The following INO80 variants were observed in gnomAD, a reference collection of about 807,000 sequenced individuals.
INO80 encodes the protein chromatin-remodeling ATPase INO80.
In INO80, 20 loss-of-function variants were observed where a neutral mutation model predicts 203.4. The observed-to-expected ratio is 0.10, with a 90% confidence interval of 0.07 to 0.14. The LOEUF (loss-of-function observed/expected upper bound fraction) is 0.14. Ranked by LOEUF, INO80 falls within the 10% of genes least tolerant of loss-of-function variation. INO80 has a pLI of 1.00. For synonymous variants in INO80, 726 were observed against 685.2 expected (o/e 1.06, Z -0.93); for missense variants, 1,419 against 1,914.4 (o/e 0.74, Z 4.83).
At chr15:40,991,073 T>C (rs2043811506) in intron 29 of INO80, among the ~76,000 whole-genome samples, 1 of 152,148 alleles carries the variant, frequency 6.6e-6, no homozygotes, top group African/African-American at 2.4e-5. Flanking sequence ...AGTACTGTCT[T>C]AACATTTACA....
At chr15:40,991,645 G>A (rs1052047240) in intron 29 of INO80, among the ~76,000 whole-genome samples, 1 of 152,058 alleles carries the variant, frequency 6.6e-6, no homozygotes, top group Non-Finnish European at 1.5e-5. Flanking sequence ...TCATGACATT[G>A]TAAACACCAA....
At chr15:41,058,571 G>A (rs1283249233) in intron 16 of INO80, 68 bp downstream of exon 16, 12 of 159,708 alleles carry the variant, frequency 7.5e-5, no homozygotes, top group East Asian at 3.4e-4. Context: ...GTGTGTGTGC[G>A]TGTGTGTGTG....
chr15:41,073,553 CA>C, intron 10 of INO80, 58 bp from the exon 11 acceptor site: 1 of 1,267,146 alleles, frequency 7.9e-7, no homozygotes, highest in South Asian at 1.2e-5. Flanking sequence ...TTCTAAGATA[CA>C]ATTAACACCA....
chr15:40,998,463 G>A (rs1278656098), intron 28 of INO80, among the ~76,000 whole-genome samples: 1 of 152,174 alleles, frequency 6.6e-6, no homozygotes, highest in Non-Finnish European at 1.5e-5. Context: ...ACTTCTGGAT[G>A]AATGTCAACA....
intron 14 of INO80, among the ~76,000 whole-genome samples, chr15:41,065,160 A>G (rs28455970): frequency 0.12 from 18,109 of 152,106 alleles, 3,213 homozygotes; most frequent in African/African-American, 0.39. Context: ...GTAGCAGGCC[A>G]GGCTCGGTGA....
chr15:41,034,419 G>C (rs894342663), intron 24 of INO80, among the ~76,000 whole-genome samples: 1 of 152,146 alleles, frequency 6.6e-6, no homozygotes, highest in African/African-American at 2.4e-5. Flanking sequence ...AGCTTACCAA[G>C]ACCAATATGA....
At position 41,058,851 on chromosome 15, in the gene INO80, CTG is replaced by C; in HGVS notation, c.1843-72_1843-71del. On this transcript the variant is annotated intron_variant, in intron 15 of 35. Transcript: ENST00000648947. ...TCATAATAAGGAACTGATGTATGGA[CTG>C]TTTTTCTAGGGCCAAAATGTTTAAG... The C allele has an allele frequency of 3.4e-6, 5 of 1,491,672 alleles. No individual in the cohort carries two copies. The South Asian group carries it at 6.3e-5, about 19-fold the overall frequency. The allele number at this position is 1,491,672 out of a possible 1,614,324, so 92.4% of individuals were successfully genotyped here. A position where few individuals can be genotyped will look rare whatever the true frequency, so the allele number is the denominator to read the frequency against.
intron 14 of INO80, among the ~76,000 whole-genome samples, chr15:41,062,773 C>T (rs1566934340): frequency 6.6e-6 from 1 of 152,184 alleles, no homozygotes; most frequent in East Asian, 1.9e-4. Flanking sequence ...AGTGATGCAA[C>T]AAGAAGGCCC....
intron 28 of INO80, chr15:41,004,675 CA>C (rs1248819752): frequency 6.6e-6 from 1 of 152,138 alleles, no homozygotes; most frequent in African/African-American, 2.4e-5. Context: ...GGTAAACCAT[CA>C]GCATTCAGCA....
chr15:41,049,782 A>G (rs1177482349), intron 20 of INO80, among the ~76,000 whole-genome samples, 153 bp downstream of exon 20: 4 of 152,080 alleles, frequency 2.6e-5, no homozygotes, highest in African/African-American at 9.7e-5. Context: ...GCTCCTTGGG[A>G]GGCTGAGGCA....
chr15:41,026,822 T>C (rs2140478515), intron 25 of INO80, among the ~76,000 whole-genome samples: 1 of 152,280 alleles, frequency 6.6e-6, no homozygotes, highest in East Asian at 1.9e-4. Flanking sequence ...CTGATCAACA[T>C]GGATAAAAAA....
chr15:41,043,796 A>G (rs982365160), intron 24 of INO80, among the ~76,000 whole-genome samples: 3 of 152,188 alleles, frequency 2.0e-5, no homozygotes, highest in Admixed American at 6.6e-5. Flanking sequence ...AGCAATTCTT[A>G]TGAGGTTCCA....
At chr15:41,047,019 G>A (rs2044779759) in intron 23 of INO80, among the ~76,000 whole-genome samples, 2 of 151,508 alleles carry the variant, frequency 1.3e-5, no homozygotes, top group South Asian at 4.2e-4. Flanking sequence ...CCAGGCTGGA[G>A]TGCAATGGCA....
At chr15:41,072,294 A>G (rs1354132959) in intron 11 of INO80, among the ~76,000 whole-genome samples, 1 of 152,112 alleles carries the variant, frequency 6.6e-6, no homozygotes. Context: ...ACATTCGTCT[A>G]TCTTTGACTT....
intron 24 of INO80, among the ~76,000 whole-genome samples, chr15:41,032,799 G>C (rs1203539888): frequency 1.3e-5 from 2 of 152,080 alleles, no homozygotes; most frequent in East Asian, 3.9e-4. Context: ...CAGCACTCTG[G>C]GCGGCTGAGG....
At chr15:40,993,536 T>G (rs912701497) in intron 29 of INO80, among the ~76,000 whole-genome samples, 10 of 152,062 alleles carry the variant, frequency 6.6e-5, no homozygotes, top group Non-Finnish European at 1.2e-4. Flanking sequence ...GGCAGGCAGA[T>G]CACCTGAGGT....
At chr15:41,115,194 T>C (rs1441782596) in intron 1 of INO80, among the ~76,000 whole-genome samples, 1 of 152,128 alleles carries the variant, frequency 6.6e-6, no homozygotes, top group Non-Finnish European at 1.5e-5. Context: ...TACATCAAAC[T>C]AGAGACAGTG....
chr15:41,035,537 AAAG>A (rs1234675301), intron 24 of INO80, among the ~76,000 whole-genome samples: 1 of 151,818 alleles, frequency 6.6e-6, no homozygotes, highest in Non-Finnish European at 1.5e-5. Flanking sequence ...AAAAAAAAAA[AAAG>A]ACCGGGCGCG....
At chr15:41,080,087 A>G (rs991015214) in intron 8 of INO80, among the ~76,000 whole-genome samples, 183 bp from the exon 9 acceptor site, 10 of 152,162 alleles carry the variant, frequency 6.6e-5, no homozygotes, top group African/African-American at 2.4e-4. Context: ...ACCCTGTGGT[A>G]TTATCAGGGA....
Sources: allele counts gnomAD v4.1 joint callset (sites outside exome capture counted in the v4.1 genomes callset), GRCh38; gene constraint gnomAD v4.1.1; transcripts MANE v1.5; gene names NCBI Gene and HGNC (gene_info 2026-07-23, HGNC 2026-07-21).